WRAP53: variants seen among roughly 807,000 people sequenced by gnomAD.
WRAP53 encodes the protein WD repeat containing antisense to TP53.
A neutral mutation model predicts 56.6 loss-of-function variants in WRAP53; 28 were observed. The observed-to-expected ratio is 0.50, with a 90% confidence interval of 0.37 to 0.68. WRAP53 has a LOEUF of 0.68. Ranked by LOEUF, WRAP53 falls within the 30% of genes least tolerant of loss-of-function variation. WRAP53 has a pLI of 0.00. For synonymous variants in WRAP53, 283 were observed against 283.4 expected (o/e 1.00, Z 0.01); for missense variants, 671 against 715.5 (o/e 0.94, Z 0.71).
At chr17:7,688,618 AG>A in intron 1 of WRAP53, 29 bp from the exon 2 acceptor site, 1 of 1,613,358 alleles carries the variant, frequency 6.2e-7, no homozygotes, top group Non-Finnish European at 8.5e-7. Flanking sequence ...ATCCTGGCTG[AG>A]GCTAATCTCC....
At chr17:7,700,992 A>G (rs1489621379) in intron 5 of WRAP53, among the ~76,000 whole-genome samples, 163 bp downstream of exon 5, 1 of 144,104 alleles carries the variant, frequency 6.9e-6, no homozygotes, top group Non-Finnish European at 1.5e-5. Context: ...TTTTTTTTTT[A>G]GATTGAGTCT....
intron 4 of WRAP53, among the ~76,000 whole-genome samples, chr17:7,692,943 C>T (rs1245402497): frequency 2.6e-5 from 4 of 151,344 alleles, no homozygotes; most frequent in South Asian, 2.1e-4. Flanking sequence ...TTAGTAGAGA[C>T]GGGGTTTCAC....
chr17:7,699,948 G>A lies in WRAP53; in HGVS notation c.643-793G>A, dbSNP rs1009411204. ...GTGTTTCACCATATTGCCCAGGCTGGTCTTGAACTCCTGGGCTCAAGTGAT... is the reference window on the plus strand; with the variant it reads ...GTGTTTCACCATATTGCCCAGGCTGATCTTGAACTCCTGGGCTCAAGTGAT... On this transcript the variant is annotated intron_variant, in intron 4 of 10. Transcript: ENST00000396463. Among the ~76,000 whole-genome samples, 3 of 151,912 alleles carry A rather than the reference G, an allele frequency of 2.0e-5. 1 individual carries two copies. Among genetic ancestry groups the A allele is most frequent in the Admixed American group, 2.0e-4 (3 of 15,248 alleles).
At chr17:7,695,643 C>T (rs114838839) in intron 4 of WRAP53, among the ~76,000 whole-genome samples, 3,918 of 152,228 alleles carry the variant, frequency 0.026, 133 homozygotes, top group African/African-American at 0.077. Context: ...CTCCCGCTGA[C>T]GACGTTGGCA....
At chr17:7,698,231 C>G (rs1487261927) in intron 4 of WRAP53, among the ~76,000 whole-genome samples, 2 of 151,982 alleles carry the variant, frequency 1.3e-5, no homozygotes, top group Admixed American at 6.6e-5. Flanking sequence ...GTAGAGAAAC[C>G]CTTCTACATG....
chr17:7,686,310 T>G (rs2073965499), upstream of WRAP53: 1 of 152,202 alleles, frequency 6.6e-6, no homozygotes, highest in African/African-American at 2.4e-5. Flanking sequence ...ATTCTTTTTT[T>G]TTTTCCTCCG....
intron 4 of WRAP53, among the ~76,000 whole-genome samples, chr17:7,691,401 T>C (rs1204688869): frequency 3.3e-5 from 5 of 149,654 alleles, no homozygotes; most frequent in African/African-American, 4.9e-5. Context: ...TGTTTTTTTT[T>C]TTTTTTTGAG....
intron 4 of WRAP53, among the ~76,000 whole-genome samples, chr17:7,690,276 T>C (rs1375609249): frequency 1.3e-5 from 2 of 152,186 alleles, no homozygotes; most frequent in Non-Finnish European, 2.9e-5. Flanking sequence ...TGACTACTGA[T>C]ATATGTTAGT....
At chr17:7,691,596 T>C (rs994938902) in intron 4 of WRAP53, among the ~76,000 whole-genome samples, 2 of 151,982 alleles carry the variant, frequency 1.3e-5, no homozygotes, top group Admixed American at 6.6e-5. Context: ...TTTTACCATA[T>C]TGGCCAGGAT....
intron 4 of WRAP53, among the ~76,000 whole-genome samples, chr17:7,692,620 CAAA>C (rs1178226250): frequency 5.1e-5 from 3 of 59,030 alleles, no homozygotes; most frequent in Admixed American, 2.1e-4. Context: ...GACTCCGTCT[CAAA>C]AAAAAAAAAA....
chr17:7,687,270 T>TC (rs1187026025), upstream of WRAP53: 2 of 397,864 alleles, frequency 5.0e-6, no homozygotes, highest in African/African-American at 4.1e-5. Context: ...ACTCGCTAAG[T>TC]CCCCACTGCC....
intron 4 of WRAP53, among the ~76,000 whole-genome samples, chr17:7,698,855 G>A (rs951799570): frequency 6.9e-4 from 104 of 150,908 alleles, no homozygotes; most frequent in African/African-American, 2.2e-3. Flanking sequence ...CAGCCTGGGC[G>A]ACAGAGCGAG....
intron 4 of WRAP53, among the ~76,000 whole-genome samples, chr17:7,699,426 TAAA>T (rs1378905907): frequency 1.0e-5 from 1 of 99,026 alleles, no homozygotes; most frequent in Non-Finnish European, 2.0e-5. Flanking sequence ...CCTTTAAAAT[TAAA>T]AAAAAAAAAT....
chr17:7,689,523 C>G lies in WRAP53; in HGVS notation c.531-67C>G, dbSNP rs1350458315. 2.0e-6 allele frequency: 3 copies of G among 1,500,992 alleles called. No homozygotes were observed. In the African/African-American group the frequency reaches 4.1e-5, roughly 21 times the overall value. 93.0% of individuals were successfully genotyped at this position (1,500,992 alleles called of 1,614,324 possible). On this transcript the variant is annotated intron_variant, in intron 3 of 10. Transcript: ENST00000396463. Reference sequence around the variant, plus strand: ...GGGGCTTACCTACCCCAGAGGCAGGCTCAGCCCTAGCCCTACACTTGAAAA... The same window carrying G: ...GGGGCTTACCTACCCCAGAGGCAGGGTCAGCCCTAGCCCTACACTTGAAAA...
intron 4 of WRAP53, among the ~76,000 whole-genome samples, chr17:7,690,785 G>A (rs949346444): frequency 2.6e-5 from 4 of 151,846 alleles, no homozygotes; most frequent in South Asian, 2.1e-4. Flanking sequence ...GGTGGCACGC[G>A]CCTGTAATCC....
At position 7,702,988 on chromosome 17, in the gene WRAP53, C is replaced by T. The variant is rs775614552; in HGVS notation, c.1269-5C>T. 8 of 1,613,756 alleles carry T rather than the reference C, an allele frequency of 5.0e-6. No homozygotes were observed. The highest frequency in any genetic ancestry group is 4.5e-5 in the East Asian group (2 of 44,874). On this transcript the variant is annotated splice_region_variant and splice_polypyrimidine_tract_variant and intron_variant, in intron 9 of 10. Transcript: ENST00000396463. This position sits in a 1 kb window ranked among gnomAD's most constrained non-coding sequence, Gnocchi z 5.0. ...CTGCCAGCAAATCTCTCCTCTCTCT[C>T]GCAGGACCGGGCAGTTCCTAGTGAG...
rs1567577674 is a variant in WRAP53 at position 7,699,516 on chromosome 17, ATATATTTAT to A, written c.643-1224_643-1216del. On this transcript the variant is annotated intron_variant, in intron 4 of 10. Coordinates refer to ENST00000396463, the MANE Select transcript of WRAP53 (RefSeq NM_001143992.2). Reference sequence around the variant, plus strand: ...TATATATATATTTATATATATATATATATATTTATATATATATATATATTCCTAAGGAAA... The same window carrying A: ...TATATATATATTTATATATATATATAATATATATATATATTCCTAAGGAAA... Among the ~76,000 whole-genome samples, 19 of 25,292 alleles carry A rather than the reference ATATATTTAT, an allele frequency of 7.5e-4. 1 individual carries two copies. The highest frequency in any genetic ancestry group is 4.3e-3 in the African/African-American group (19 of 4,422). The allele number at this position is 25,292 out of a possible 152,430, so 16.6% of individuals were successfully genotyped here.
upstream of WRAP53, chr17:7,687,493 G>A (rs1181431522): frequency 7.5e-6 from 3 of 398,514 alleles, no homozygotes; most frequent in African/African-American, 6.2e-5. Context: ...CTTTTGAGAA[G>A]CTCAAAACTT....
Position 7,702,182 on chromosome 17 carries a change from T to C in WRAP53, c.956-162T>C, listed in dbSNP as rs2074283973. The C allele has an allele frequency of 1.3e-6, 1 of 773,504 alleles. No individual in the cohort carries two copies. Among genetic ancestry groups the C allele is most frequent in the East Asian group, 2.7e-5 (1 of 37,480 alleles). 47.9% of individuals were successfully genotyped at this position (773,504 alleles called of 1,614,324 possible). On this transcript the variant is annotated intron_variant, in intron 7 of 10. Coordinates refer to ENST00000396463, the MANE Select transcript of WRAP53 (RefSeq NM_001143992.2). This position sits in a 1 kb window ranked among gnomAD's most constrained non-coding sequence, Gnocchi z 5.0. ...CATTTAGGTCCTTTGGGAGGATAGATGTGGGGAGCATCAGAGGTCTTTGTC... is the reference window on the plus strand; with the variant it reads ...CATTTAGGTCCTTTGGGAGGATAGACGTGGGGAGCATCAGAGGTCTTTGTC...
Sources: gnomAD v4.1 joint callset for allele counts (sites outside exome capture counted in the v4.1 genomes callset) on GRCh38, gnomAD v4.1.1 for gene constraint, Gnocchi (gnomAD v3.1) non-coding constraint, MANE v1.5 for transcripts, NCBI Gene and HGNC (gene_info 2026-07-23, HGNC 2026-07-21) for gene names.